Variants in NPSR1 observed in about 807,000 individuals in gnomAD.
The protein encoded by NPSR1 is neuropeptide S receptor.
NPSR1 carries 48 observed loss-of-function variants against 46.9 expected under a neutral mutation model. That is an observed-to-expected ratio of 1.02 (90% CI 0.81 to 1.30). The LOEUF is 1.30. Among genes scored for constraint, NPSR1 ranks in the 50% most tolerant of loss-of-function variants. The pLI, the probability that NPSR1 is intolerant of heterozygous loss-of-function variation, is 0.00. For missense variants in NPSR1, 450 were observed against 449.5 expected (o/e 1.00, Z -0.01); for synonymous variants, 176 against 168.1 (o/e 1.05, Z -0.36).
At chr7:34,844,785 C>A (rs911068369) in intron 6 of NPSR1, 111 bp from the exon 7 acceptor site, 1 of 755,742 alleles carries the variant, frequency 1.3e-6, no homozygotes, top group Admixed American at 2.0e-5. Context: ...GGCATAAATG[C>A]ACAGGATATA....
At chr7:34,814,549 A>C (rs1789150023) in intron 4 of NPSR1, among the ~76,000 whole-genome samples, 1 of 152,208 alleles carries the variant, frequency 6.6e-6, no homozygotes, top group Admixed American at 6.5e-5. Flanking sequence ...TGGTTCTTCC[A>C]GCATGGCGTT....
intron 2 of NPSR1, chr7:34,751,526 T>C (rs1047412145): frequency 2.4e-5 from 37 of 1,529,522 alleles, no homozygotes; most frequent in Admixed American, 1.8e-4. Context: ...TCCTCCTCCA[T>C]AGTGGTCTCG....
intron 1 of NPSR1, among the ~76,000 whole-genome samples, chr7:34,669,863 T>G (rs1418549204): frequency 6.6e-6 from 1 of 152,224 alleles, no homozygotes; most frequent in African/African-American, 2.4e-5. Context: ...AAGTTGGAGC[T>G]TCTGCTCAGC....
At chr7:34,811,433 G>A (rs563617004) in intron 3 of NPSR1, among the ~76,000 whole-genome samples, 1 of 152,116 alleles carries the variant, frequency 6.6e-6, no homozygotes, top group South Asian at 2.1e-4. Flanking sequence ...TCTCCTCCTG[G>A]AGCCTGGGAT....
intron 2 of NPSR1, among the ~76,000 whole-genome samples, chr7:34,756,450 CA>C (rs902405576): frequency 3.3e-5 from 5 of 152,164 alleles, no homozygotes; most frequent in Admixed American, 6.5e-5. Context: ...AGGTCTAGGA[CA>C]GGGGTCAACC....
chr7:34,817,695 C>T (rs868632943), intron 4 of NPSR1, among the ~76,000 whole-genome samples: 3 of 150,976 alleles, frequency 2.0e-5, no homozygotes, highest in South Asian at 2.1e-4. Flanking sequence ...CTGAATCCTG[C>T]AGCACATCAA....
intron 6 of NPSR1, 34 bp from the exon 7 acceptor site, chr7:34,844,862 A>C: frequency 7.8e-7 from 1 of 1,277,980 alleles, no homozygotes; most frequent in East Asian, 2.3e-5. Context: ...CATCTTGAAC[A>C]CTTCATCTTA....
At chr7:34,663,760 T>G (rs940610108) in intron 1 of NPSR1, among the ~76,000 whole-genome samples, 13 of 152,212 alleles carry the variant, frequency 8.5e-5, no homozygotes, top group African/African-American at 2.4e-5. Context: ...CCGAATTTAT[T>G]ATTCCAGGCT....
intron 3 of NPSR1, among the ~76,000 whole-genome samples, chr7:34,803,658 G>A (rs143719346): frequency 0.068 from 10,314 of 151,028 alleles, 1,020 homozygotes; most frequent in African/African-American, 0.22. Flanking sequence ...CATGGCACAC[G>A]TATACATATG....
At chr7:34,735,016 T>G (rs1017646636) in intron 2 of NPSR1, among the ~76,000 whole-genome samples, 5 of 152,218 alleles carry the variant, frequency 3.3e-5, no homozygotes, top group Non-Finnish European at 7.3e-5. Context: ...AACCAGTCAC[T>G]ATGGCCATGG....
intron 3 of NPSR1, among the ~76,000 whole-genome samples, chr7:34,790,673 A>C (rs1303107598): frequency 6.8e-6 from 1 of 146,258 alleles, no homozygotes; most frequent in Admixed American, 6.9e-5. Context: ...AATATATGTT[A>C]TATGTTCTAT....
intron 2 of NPSR1, among the ~76,000 whole-genome samples, chr7:34,736,235 C>T (rs1303814759): frequency 6.6e-6 from 1 of 152,138 alleles, no homozygotes; most frequent in African/African-American, 2.4e-5. Context: ...CCTCTCTGCC[C>T]TCCCCGTCTC....
At chr7:34,664,358 A>T (rs1302930800) in intron 1 of NPSR1, among the ~76,000 whole-genome samples, 1 of 152,082 alleles carries the variant, frequency 6.6e-6, no homozygotes, top group Non-Finnish European at 1.5e-5. Flanking sequence ...TAAGTGAGAG[A>T]ATGCTTGTAT....
intron 5 of NPSR1, among the ~76,000 whole-genome samples, chr7:34,828,615 G>A (rs992065274): frequency 6.6e-6 from 1 of 152,184 alleles, no homozygotes; most frequent in Non-Finnish European, 1.5e-5. Context: ...GCCATAGTGT[G>A]TCATATAACA....
At position 34,845,097 on chromosome 7, in the gene NPSR1, G is replaced by A. The variant is rs2128763836; in HGVS notation, c.844+115G>A. The A allele has an allele frequency of 4.1e-6, 3 of 737,564 alleles. No individual in the cohort carries two copies. The South Asian group carries it at 4.5e-5, about 11-fold the overall frequency. 45.7% of individuals were successfully genotyped at this position (737,564 alleles called of 1,614,324 possible). ...CCAGCAGGCACTTCTACATCGGTCT[G>A]CTTAGAAAGGAATGTGTGAAACTCA... On this transcript the variant is annotated intron_variant, in intron 7 of 8. Coordinates refer to ENST00000360581, the MANE Select transcript of NPSR1 (RefSeq NM_207172.2).
intron 4 of NPSR1, among the ~76,000 whole-genome samples, chr7:34,820,672 A>G (rs1261122637): frequency 2.6e-5 from 4 of 152,172 alleles, no homozygotes; most frequent in Non-Finnish European, 5.9e-5. Context: ...CCTTCAATCA[A>G]ACACATTTAA....
At chr7:34,720,985 A>G (rs917542992) in intron 2 of NPSR1, among the ~76,000 whole-genome samples, 25 of 151,946 alleles carry the variant, frequency 1.6e-4, no homozygotes, top group African/African-American at 5.3e-4. Flanking sequence ...GATATCTCTG[A>G]AAAAAAAATT....
chr7:34,733,655 T>C (rs1784539329), intron 2 of NPSR1, among the ~76,000 whole-genome samples: 1 of 152,210 alleles, frequency 6.6e-6, no homozygotes, highest in Non-Finnish European at 1.5e-5. Context: ...TCTTGGTCAG[T>C]GCTATCATAG....
intron 2 of NPSR1, among the ~76,000 whole-genome samples, chr7:34,703,671 C>G (rs1793961601): frequency 6.6e-6 from 1 of 152,048 alleles, no homozygotes; most frequent in Non-Finnish European, 1.5e-5. Context: ...TAGACTTAAT[C>G]TTGAGGTTAG....
Sources: allele counts gnomAD v4.1 joint callset (sites outside exome capture counted in the v4.1 genomes callset), GRCh38; gene constraint gnomAD v4.1.1; transcripts MANE v1.5; gene names NCBI Gene and HGNC (gene_info 2026-07-23, HGNC 2026-07-21).